ANK2: variants seen among roughly 807,000 people sequenced by gnomAD.
ANK2 encodes ankyrin 2.
Under a neutral mutation model 360.5 loss-of-function variants are expected in ANK2, and 83 were observed. The observed-to-expected ratio is 0.23, with a 90% CI of 0.19 to 0.28. The LOEUF (loss-of-function observed/expected upper bound fraction) is 0.28, where lower values mean the gene tolerates loss of function less well. Ranked by LOEUF, ANK2 falls within the 10% of genes least tolerant of loss-of-function variation. ANK2 has a pLI of 1.00. For synonymous variants in ANK2, 1,740 were observed against 1,759.5 expected (o/e 0.99, Z 0.28); for missense variants, 4,201 against 4,795.7 (o/e 0.88, Z 3.66).
chr4:113,344,572 C>T (rs923482268), intron 34 of ANK2, among the ~76,000 whole-genome samples: 19 of 152,092 alleles, frequency 1.2e-4, no homozygotes, highest in African/African-American at 4.3e-4. Flanking sequence ...AAAGTAGAGA[C>T]TCAATTACTT....
At chr4:113,075,583 C>T (rs963939789) in intron 1 of ANK2, among the ~76,000 whole-genome samples, 4 of 152,150 alleles carry the variant, frequency 2.6e-5, no homozygotes, top group African/African-American at 7.2e-5. Context: ...GGCTGGGAAA[C>T]TCATAGATTC....
chr4:112,811,758 A>G, the ANK2 span, among the ~76,000 whole-genome samples: 1 of 152,210 alleles, frequency 6.6e-6, no homozygotes, highest in Non-Finnish European at 1.5e-5. Context: ...TTCTTCTAAT[A>G]GAGTTCGCCT....
chr4:112,990,116 A>T (rs1025272572), intron 2 of ANK2, among the ~76,000 whole-genome samples: 2 of 152,070 alleles, frequency 1.3e-5, no homozygotes, highest in African/African-American at 4.8e-5. Flanking sequence ...CAAAAAAATT[A>T]AAATTACCTG....
At chr4:113,247,197 G>C (rs2043419580) in intron 9 of ANK2, among the ~76,000 whole-genome samples, 2 of 151,312 alleles carry the variant, frequency 1.3e-5, no homozygotes, top group Non-Finnish European at 2.9e-5. Flanking sequence ...AAACACAAGG[G>C]GTCTCTGGAA....
chr4:113,061,583 C>T (rs1359642506), intron 1 of ANK2, among the ~76,000 whole-genome samples: 1 of 152,088 alleles, frequency 6.6e-6, no homozygotes, highest in African/African-American at 2.4e-5. Context: ...CACACGTACA[C>T]ACGCACTTAC....
At chr4:113,372,676 C>A in intron 43 of ANK2, 1 of 1,293,354 alleles carries the variant, frequency 7.7e-7, no homozygotes, top group Non-Finnish European at 1.1e-6. Flanking sequence ...TCCCCATATT[C>A]TAAGAGTGAT....
chr4:113,355,821 A>G lies in ANK2; in HGVS notation c.7203A>G (p.Gly2401=). The change falls in exon 38 of 46, where the codon GGA becomes GGG. Residue 2401 remains glycine, a synonymous_variant. Transcript: ENST00000357077. ...CAGGAACTGAATCAAAACCTCAGGG[A>G]GTCATTAGAAGTCCCCAAGGGTTAG... is the stretch of plus-strand genomic sequence containing the variant. The part of the protein sequence containing the change: ...TDTGTESKPQ[G]VIRSPQGLEL... 6.2e-7 allele frequency: 1 copy of G among 1,614,068 alleles called. No individual in the cohort carries two copies. The highest frequency in any genetic ancestry group is 8.5e-7 in the Non-Finnish European group (1 of 1,179,958).
At chr4:113,140,700 C>T (rs1395050787) in intron 1 of ANK2, among the ~76,000 whole-genome samples, 5 of 151,936 alleles carry the variant, frequency 3.3e-5, no homozygotes, top group Admixed American at 6.6e-5. Flanking sequence ...ATTAATCGGC[C>T]GGGCCCAGTG....
chr4:113,369,396 T>C (rs1456977259), intron 42 of ANK2, 118 bp from the exon 43 acceptor site: 3 of 1,069,952 alleles, frequency 2.8e-6, no homozygotes, highest in Non-Finnish European at 2.8e-6. Flanking sequence ...GTACAAAAAC[T>C]ATTTTGACTG....
chr4:113,107,266 G>C (rs761518384), intron 1 of ANK2, among the ~76,000 whole-genome samples: 1 of 152,116 alleles, frequency 6.6e-6, no homozygotes, highest in Non-Finnish European at 1.5e-5. Context: ...GCCCAGGTTG[G>C]AGTGCAGTAG....
At chr4:113,045,730 T>C (rs184648285), upstream of ANK2, among the ~76,000 whole-genome samples, 2 of 152,346 alleles carry the variant, frequency 1.3e-5, no homozygotes, top group African/African-American at 4.8e-5. Flanking sequence ...TAAGGTATTA[T>C]CATCATTGCT....
chr4:112,889,711 T>C (rs531930673), intron 1 of ANK2, among the ~76,000 whole-genome samples: 12 of 152,326 alleles, frequency 7.9e-5, no homozygotes, highest in African/African-American at 2.9e-4. Context: ...TGTTGTAATT[T>C]CTCCTTGAAA....
chr4:113,255,792 C>T lies in ANK2; in HGVS notation c.1048C>T (p.His350Tyr), dbSNP rs769257583. The change falls in exon 11 of 46, where the codon CAC (histidine) becomes TAC (tyrosine). Residue 350 changes from histidine to tyrosine, a missense_variant. Around this residue, in one of 4 missense-constraint regions of ANK2, gnomAD observed 1,268 missense variants for 1,650.8 expected, o/e 0.77. Coordinates refer to ENST00000357077, the MANE Select transcript of ANK2 (RefSeq NM_001148.6). ...AQGDHVECVKHLLQHKAPVDD... is the reference protein window; with the variant it reads ...AQGDHVECVKYLLQHKAPVDD... Reference sequence around the variant, plus strand: ...GGGAGACCACGTGGAATGTGTGAAGCACCTGTTACAGCACAAGGCACCTGT... The same window carrying T: ...GGGAGACCACGTGGAATGTGTGAAGTACCTGTTACAGCACAAGGCACCTGT... 1.2e-6 allele frequency: 2 copies of T among 1,614,212 alleles called. No homozygotes were observed. The highest frequency in any genetic ancestry group is 1.7e-6 in the Non-Finnish European group (2 of 1,180,028).
intron 3 of ANK2, 94 bp from the exon 4 acceptor site, chr4:113,198,917 A>G (rs1336799956): frequency 9.0e-6 from 9 of 998,482 alleles, no homozygotes; most frequent in Non-Finnish European, 1.4e-5. Context: ...TTAATCGGTT[A>G]AAGTGATTAG....
intron 13 of ANK2, among the ~76,000 whole-genome samples, chr4:113,263,957 A>G (rs997327558): frequency 4.6e-5 from 7 of 152,168 alleles, no homozygotes; most frequent in African/African-American, 7.2e-5. Flanking sequence ...CTTGTTCTTC[A>G]TGCTACACCT....
At chr4:113,359,333 G>T (rs1191798471) in intron 38 of ANK2, 34 bp downstream of exon 38, 2 of 1,611,050 alleles carry the variant, frequency 1.2e-6, no homozygotes, top group South Asian at 2.2e-5. Flanking sequence ...CCTGTGCTAC[G>T]CATGTCATAA....
chr4:113,121,308 T>A (rs970628710), intron 1 of ANK2, among the ~76,000 whole-genome samples: 1 of 152,152 alleles, frequency 6.6e-6, no homozygotes, highest in African/African-American at 2.4e-5. Context: ...CTAAAGTTCA[T>A]TGGAGAAAAA....
At chr4:112,788,909 A>G in the ANK2 span, 1 of 651,012 alleles carries the variant, frequency 1.5e-6, no homozygotes, top group Non-Finnish European at 2.7e-6. Flanking sequence ...AGTTTTTTTA[A>G]TTATTAATAT....
At chr4:113,226,934 T>A (rs1160080397) in intron 4 of ANK2, among the ~76,000 whole-genome samples, 1 of 152,204 alleles carries the variant, frequency 6.6e-6, no homozygotes, top group African/African-American at 2.4e-5. Flanking sequence ...AGAAAATGCA[T>A]CTATTTTCAT....
Sources: allele counts gnomAD v4.1 joint callset (sites outside exome capture counted in the v4.1 genomes callset), GRCh38; gene constraint gnomAD v4.1.1; regional missense constraint gnomAD v4.1.1; transcripts MANE v1.5; gene names NCBI Gene and HGNC (gene_info 2026-07-23, HGNC 2026-07-21).